Variants in HIP1 observed in about 807,000 individuals in gnomAD.
HIP1 encodes the protein huntingtin interacting protein 1, also known as huntingtin-interacting protein 1.
Under a neutral mutation model 147.6 loss-of-function variants are expected in HIP1, and 65 were observed. The observed-to-expected ratio is 0.44, with a 90% CI of 0.36 to 0.54. The LOEUF (loss-of-function observed/expected upper bound fraction) is 0.54, where lower values mean the gene tolerates loss of function less well. Among genes scored for constraint, HIP1 ranks in the 20% least tolerant of loss-of-function variants. The probability of loss-of-function intolerance (pLI) is 0.00; values close to 1 mark genes in which losing one functional copy is unlikely to be tolerated. For missense variants in HIP1, 1,061 were observed against 1,299.6 expected (o/e 0.82, Z 2.82); for synonymous variants, 479 against 504.0 (o/e 0.95, Z 0.67).
chr7:75,566,403 C>T (rs587731493), intron 9 of HIP1, among the ~76,000 whole-genome samples: 11 of 151,628 alleles, frequency 7.3e-5, no homozygotes, highest in Admixed American at 2.6e-4. Context: ...CTACTCCATA[C>T]GCAGTGAGCC....
In HIP1 at chr7:75,657,593, G is replaced by A. The variant is rs568021628; in HGVS notation, c.121-58346C>T. 7.3e-5 allele frequency among the ~76,000 whole-genome samples: 11 copies of A among 150,686 alleles called. 1 individual carries two copies. Among genetic ancestry groups the A allele is most frequent in the African/African-American group, 2.7e-4 (11 of 41,136 alleles). On this transcript the variant is annotated intron_variant, in intron 1 of 30. Coordinates refer to ENST00000336926, the MANE Select transcript of HIP1 (RefSeq NM_005338.7). Reference sequence around the variant, plus strand: ...AATATCATGTCCTTTGCAGCCACATGGATGCAGCTGGAGGTTATTTTCCTA... The same window carrying A: ...AATATCATGTCCTTTGCAGCCACATAGATGCAGCTGGAGGTTATTTTCCTA...
intron 1 of HIP1, among the ~76,000 whole-genome samples, chr7:75,725,845 C>CTA (rs1475544481): frequency 8.7e-6 from 1 of 114,324 alleles, no homozygotes; most frequent in East Asian, 3.1e-4. Flanking sequence ...TTTTTTGAGA[C>CTA]TGAGTCTCAC....
chr7:75,616,509 G>C (rs1797667582), intron 1 of HIP1, among the ~76,000 whole-genome samples: 1 of 152,012 alleles, frequency 6.6e-6, no homozygotes, highest in African/African-American at 2.4e-5. Context: ...CTGGCTTCTA[G>C]CGATCCTCCC....
intron 2 of HIP1, among the ~76,000 whole-genome samples, chr7:75,594,193 T>C (rs1485303937): frequency 2.6e-5 from 4 of 151,904 alleles, no homozygotes; most frequent in Non-Finnish European, 5.9e-5. Flanking sequence ...GGCAGGAGAA[T>C]TGCTTGAACC....
chr7:75,735,299 G>C (rs1256428831), intron 1 of HIP1, among the ~76,000 whole-genome samples: 1 of 152,202 alleles, frequency 6.6e-6, no homozygotes, highest in African/African-American at 2.4e-5. Context: ...TAAAGGTTGA[G>C]ACCGTTTCCA....
intron 5 of HIP1, among the ~76,000 whole-genome samples, chr7:75,585,253 C>T (rs1307964549): frequency 6.6e-5 from 10 of 150,922 alleles, no homozygotes; most frequent in East Asian, 5.8e-4. Context: ...GGCAGCATCT[C>T]GGCTCGCTGC....
chr7:75,716,662 G>A (rs1801332131), intron 1 of HIP1, among the ~76,000 whole-genome samples: 1 of 151,696 alleles, frequency 6.6e-6, no homozygotes, highest in African/African-American at 2.4e-5. Context: ...TGGGACTATA[G>A]GCGCCCACCA....
chr7:75,582,022 C>T, intron 6 of HIP1, 53 bp downstream of exon 6: 5 of 1,430,630 alleles, frequency 3.5e-6, no homozygotes, highest in Non-Finnish European at 3.9e-6. Context: ...TGAGAAGTGT[C>T]AGCATTCACA....
intron 1 of HIP1, among the ~76,000 whole-genome samples, chr7:75,618,201 G>A (rs2091751): frequency 0.21 from 31,444 of 152,046 alleles, 3,823 homozygotes; most frequent in Non-Finnish European, 0.28. Context: ...AGGCTGGAGT[G>A]CAGTAGTGTG....
intron 1 of HIP1, among the ~76,000 whole-genome samples, chr7:75,685,114 A>T (rs1800213948): frequency 6.6e-6 from 1 of 151,988 alleles, no homozygotes; most frequent in Non-Finnish European, 1.5e-5. Flanking sequence ...AAATAAAAAT[A>T]AAAAATAAAA....
At chr7:75,550,456 G>A (rs1563195387) in intron 22 of HIP1, among the ~76,000 whole-genome samples, 2 of 152,056 alleles carry the variant, frequency 1.3e-5, no homozygotes, top group Non-Finnish European at 2.9e-5. Flanking sequence ...CTGTTGCCCA[G>A]GCTAGAGTGC....
chr7:75,635,911 T>C lies in HIP1; in HGVS notation c.121-36664A>G, dbSNP rs1003429192. ...AGTGGTGTGCGCCTGTAATCCCAGC[T>C]ACCCAGGAGGCTGAGGTAGGGAGGA... On this transcript the variant is annotated intron_variant, in intron 1 of 30. Transcript: ENST00000336926. Among the ~76,000 whole-genome samples the C allele has an allele frequency of 3.4e-5, 5 of 148,252 alleles. No homozygotes were observed. The South Asian group carries it at 8.5e-4, about 25-fold the overall frequency.
At chr7:75,566,850 A>G (rs1347508394) in intron 9 of HIP1, among the ~76,000 whole-genome samples, 1 of 151,422 alleles carries the variant, frequency 6.6e-6, no homozygotes, top group Admixed American at 6.6e-5. Context: ...GGCTGGGCAC[A>G]GTGACTCGCG....
At chr7:75,601,026 G>T (rs1411264808) in intron 1 of HIP1, among the ~76,000 whole-genome samples, 1 of 151,968 alleles carries the variant, frequency 6.6e-6, no homozygotes, top group Admixed American at 6.6e-5. Flanking sequence ...CCAAAACACT[G>T]GGATTACAGG....
At chr7:75,664,550 A>G (rs1277776023) in intron 1 of HIP1, among the ~76,000 whole-genome samples, 1 of 150,332 alleles carries the variant, frequency 6.7e-6, no homozygotes, top group Non-Finnish European at 1.5e-5. Context: ...ACATACATAT[A>G]TATGTATGTG....
At chr7:75,692,764 C>T (rs2117301849) in intron 1 of HIP1, among the ~76,000 whole-genome samples, 1 of 152,034 alleles carries the variant, frequency 6.6e-6, no homozygotes, top group South Asian at 2.1e-4. Context: ...TAAGTACTTT[C>T]TATCATGACA....
At chr7:75,673,442 T>C (rs1034751832) in intron 1 of HIP1, among the ~76,000 whole-genome samples, 2 of 152,156 alleles carry the variant, frequency 1.3e-5, no homozygotes, top group Non-Finnish European at 2.9e-5. Context: ...AGGGATTGCA[T>C]TGAATCTATA....
intron 1 of HIP1, among the ~76,000 whole-genome samples, chr7:75,662,662 T>C (rs2097794): frequency 0.62 from 93,431 of 151,886 alleles, 29,442 homozygotes; most frequent in Middle Eastern, 0.74. Context: ...CACACTACCA[T>C]GCCTGGCTAA....
intron 5 of HIP1, 32 bp downstream of exon 5, chr7:75,586,721 C>T (rs782081145): frequency 1.7e-5 from 24 of 1,410,982 alleles, no homozygotes; most frequent in Admixed American, 1.4e-4. Flanking sequence ...GGGGAGGCGG[C>T]GGTGGCGGCA....
Sources: allele counts gnomAD v4.1 joint callset (sites outside exome capture counted in the v4.1 genomes callset), GRCh38; gene constraint gnomAD v4.1.1; transcripts MANE v1.5; gene names NCBI Gene and HGNC (gene_info 2026-07-23, HGNC 2026-07-21).